ITPR1: variants seen among roughly 807,000 people sequenced by gnomAD.
ITPR1 encodes the protein inositol 1,4,5-trisphosphate receptor type 1, also known as inositol 1,4,5-trisphosphate-gated calcium channel ITPR1.
ITPR1 carries 96 observed loss-of-function variants against 318.4 expected under a neutral mutation model. The observed-to-expected ratio is 0.30, with a 90% CI of 0.26 to 0.36. The LOEUF (loss-of-function observed/expected upper bound fraction) is 0.36, where lower values mean the gene tolerates loss of function less well. Among genes scored for constraint, ITPR1 ranks in the 10% least tolerant of loss-of-function variants. The pLI is 1.00. For synonymous variants in ITPR1, 1,312 were observed against 1,289.9 expected (o/e 1.02, Z -0.37); for missense variants, 2,440 against 3,460.2 (o/e 0.71, Z 7.40).
intron 4 of ITPR1, among the ~76,000 whole-genome samples, chr3:4,585,995 C>A (rs2089858165): frequency 6.6e-6 from 1 of 151,398 alleles, no homozygotes; most frequent in South Asian, 2.1e-4. Context: ...GTTCAATTCC[C>A]ACTTATGAGT....
chr3:4,824,021 A>G (rs937647280), intron 60 of ITPR1, among the ~76,000 whole-genome samples: 2 of 152,236 alleles, frequency 1.3e-5, no homozygotes, highest in Non-Finnish European at 1.5e-5. Context: ...CTGATCAGAT[A>G]GAACACTGTC....
intron 44 of ITPR1, among the ~76,000 whole-genome samples, chr3:4,757,135 G>C (rs1010309997): frequency 3.2e-4 from 48 of 152,166 alleles, no homozygotes; most frequent in African/African-American, 1.1e-3. Context: ...TAGGTTTCCC[G>C]AGTTCCAGTT....
intron 28 of ITPR1, 139 bp downstream of exon 28, chr3:4,683,937 AG>A (rs199557808): frequency 1.8e-6 from 1 of 563,230 alleles, no homozygotes; most frequent in Non-Finnish European, 2.7e-6. Flanking sequence ...CAAGATCACA[AG>A]CTGTTTGCCT....
chr3:4,521,144 C>CTT (rs749553913), intron 4 of ITPR1, 50 bp downstream of exon 4: 2 of 1,287,962 alleles, frequency 1.6e-6, no homozygotes, highest in Admixed American at 3.4e-5. Context: ...CTTGAAAATT[C>CTT]TTGAAGTGTG....
At chr3:4,554,531 C>T (rs2085923284) in intron 4 of ITPR1, among the ~76,000 whole-genome samples, 1 of 152,034 alleles carries the variant, frequency 6.6e-6, no homozygotes, top group Admixed American at 6.6e-5. Flanking sequence ...CGGTGGTGAG[C>T]TCACTGGTGG....
chr3:4,755,182 T>A (rs56364067), intron 44 of ITPR1, among the ~76,000 whole-genome samples: 1 of 137,082 alleles, frequency 7.3e-6, no homozygotes, highest in Admixed American at 7.3e-5. Context: ...TTTTTTTTTT[T>A]TTTTTTTTAG....
chr3:4,784,123 A>AC (rs2047010746), intron 51 of ITPR1, among the ~76,000 whole-genome samples: 1 of 152,118 alleles, frequency 6.6e-6, no homozygotes, highest in Non-Finnish European at 1.5e-5. Flanking sequence ...GGAAGAGGAC[A>AC]CTGAGCAACC....
chr3:4,673,695 T>A (rs1035667833), intron 21 of ITPR1, among the ~76,000 whole-genome samples: 1 of 152,050 alleles, frequency 6.6e-6, no homozygotes, highest in Non-Finnish European at 1.5e-5. Flanking sequence ...CCATTCTCCT[T>A]CCTCAGCCTC....
At chr3:4,717,532 G>A in intron 40 of ITPR1, 133 bp downstream of exon 40, 1 of 773,340 alleles carries the variant, frequency 1.3e-6, no homozygotes, top group Non-Finnish European at 2.3e-6. Flanking sequence ...TGCCCTCTGG[G>A]AGTGAGTGGA....
intron 4 of ITPR1, among the ~76,000 whole-genome samples, chr3:4,623,585 A>G (rs191705349): frequency 2.6e-5 from 4 of 152,212 alleles, no homozygotes; most frequent in African/African-American, 9.6e-5. Context: ...GTTTTCCTGT[A>G]TTTGTACATT....
chr3:4,759,265 A>C (rs1165502312), intron 44 of ITPR1, among the ~76,000 whole-genome samples: 2 of 152,230 alleles, frequency 1.3e-5, no homozygotes, highest in Admixed American at 1.3e-4. Flanking sequence ...CAGGCTAATT[A>C]AGCAATATTA....
chr3:4,656,885 T>C (rs558928131), intron 12 of ITPR1, among the ~76,000 whole-genome samples: 2 of 152,350 alleles, frequency 1.3e-5, no homozygotes, highest in South Asian at 2.1e-4. Flanking sequence ...AATCACGCGA[T>C]GTAGAGTTGC....
chr3:4,597,923 C>T (rs2090974137), intron 4 of ITPR1, among the ~76,000 whole-genome samples: 2 of 152,304 alleles, frequency 1.3e-5, no homozygotes. Flanking sequence ...AGACCAATCC[C>T]ATGTACTAGG....
At chr3:4,602,754 G>A (rs1480184305) in intron 4 of ITPR1, among the ~76,000 whole-genome samples, 1 of 152,080 alleles carries the variant, frequency 6.6e-6, no homozygotes, top group African/African-American at 2.4e-5. Context: ...AAAGAAGCCT[G>A]TCACAAAAAG....
At chr3:4,783,729 T>C in intron 50 of ITPR1, 87 bp from the exon 51 acceptor site, 1 of 1,104,444 alleles carries the variant, frequency 9.1e-7, no homozygotes, top group Admixed American at 2.0e-5. Flanking sequence ...TATTATGCAT[T>C]TTTAAATACC....
chr3:4,760,180 T>C (rs78129540), intron 44 of ITPR1, among the ~76,000 whole-genome samples: 231 of 152,368 alleles, frequency 1.5e-3, no homozygotes, highest in African/African-American at 5.3e-3. Flanking sequence ...TCATCTATAA[T>C]GTGACAGATT....
chr3:4,831,102 CTTTG>C (rs2050453280), intron 60 of ITPR1: 1 of 443,776 alleles, frequency 2.3e-6, no homozygotes, highest in Non-Finnish European at 4.5e-6. Flanking sequence ...GTCTGTCTGT[CTTTG>C]TCTCTCTCTC....
At chr3:4,754,056 GGGT>G (rs911808005) in intron 44 of ITPR1, among the ~76,000 whole-genome samples, 9 of 132,166 alleles carry the variant, frequency 6.8e-5, no homozygotes, top group Non-Finnish European at 8.6e-5. Flanking sequence ...AATGGGGGGG[GGGT>G]GGCAAGGATT....
At chr3:4,810,613 T>C (rs1269151206) in intron 55 of ITPR1, among the ~76,000 whole-genome samples, 1 of 152,260 alleles carries the variant, frequency 6.6e-6, no homozygotes, top group Non-Finnish European at 1.5e-5. Flanking sequence ...TACTATTTAC[T>C]GTACTTACTG....
Sources: gnomAD v4.1 joint callset for allele counts (sites outside exome capture counted in the v4.1 genomes callset) on GRCh38, gnomAD v4.1.1 for gene constraint, MANE v1.5 for transcripts, NCBI Gene and HGNC (gene_info 2026-07-23, HGNC 2026-07-21) for gene names.